The following NLGN1 variants were observed in gnomAD, a reference collection of about 807,000 sequenced individuals.
The protein encoded by NLGN1 is neuroligin-1.
Under a neutral mutation model 65.5 loss-of-function variants are expected in NLGN1, and 12 were observed. The ratio of observed to expected loss-of-function variants is 0.18; its 90% CI spans 0.12 to 0.30. The LOEUF is 0.30. NLGN1 is among the 10% of genes least tolerant of loss of function. The pLI is 1.00. For missense variants in NLGN1, 750 were observed against 1,007.1 expected (o/e 0.74, Z 3.46); for synonymous variants, 350 against 359.5 (o/e 0.97, Z 0.30).
At chr3:173,738,497 A>G (rs1774123685) in intron 3 of NLGN1, among the ~76,000 whole-genome samples, 1 of 152,078 alleles carries the variant, frequency 6.6e-6, no homozygotes, top group Admixed American at 6.6e-5. Flanking sequence ...TTGTTAAACA[A>G]CTATTCTTTC....
intron 4 of NLGN1, among the ~76,000 whole-genome samples, chr3:174,056,717 T>C (rs550514110): frequency 4.3e-4 from 65 of 152,130 alleles, no homozygotes; most frequent in Admixed American, 1.4e-3. Context: ...CATTTACAAA[T>C]ACGTTCAAGC....
chr3:174,092,200 G>A (rs941797827), intron 4 of NLGN1, among the ~76,000 whole-genome samples: 4 of 152,090 alleles, frequency 2.6e-5, no homozygotes, highest in South Asian at 2.1e-4. Context: ...CTTGTAAGAC[G>A]GTACTGAACT....
At chr3:173,447,151 C>T (rs1005265780) in intron 2 of NLGN1, among the ~76,000 whole-genome samples, 25 of 152,174 alleles carry the variant, frequency 1.6e-4, no homozygotes, top group Non-Finnish European at 2.6e-4. Flanking sequence ...TGCCTATGTC[C>T]TGAATGGTAA....
intron 2 of NLGN1, among the ~76,000 whole-genome samples, chr3:173,497,812 A>T (rs1194012533): frequency 6.6e-6 from 1 of 151,946 alleles, no homozygotes; most frequent in Non-Finnish European, 1.5e-5. Context: ...GCCTTAATAT[A>T]ATTATCTTTA....
At chr3:174,238,481 G>A (rs1180862025) in intron 4 of NLGN1, among the ~76,000 whole-genome samples, 2 of 151,990 alleles carry the variant, frequency 1.3e-5, no homozygotes, top group Non-Finnish European at 2.9e-5. Context: ...TCCTGCCTCA[G>A]CCTTCTGAGT....
intron 4 of NLGN1, among the ~76,000 whole-genome samples, chr3:173,960,348 A>C (rs1713239463): frequency 6.6e-6 from 1 of 151,996 alleles, no homozygotes; most frequent in African/African-American, 2.4e-5. Context: ...TAAACCTTTG[A>C]TCGTGCTAAA....
chr3:174,007,772 A>C (rs888174673), intron 4 of NLGN1, among the ~76,000 whole-genome samples: 3 of 152,202 alleles, frequency 2.0e-5, no homozygotes, highest in African/African-American at 7.2e-5. Flanking sequence ...ATGTTTTATC[A>C]CAGTGCATAT....
At chr3:173,903,456 A>G (rs1050271742) in intron 4 of NLGN1, among the ~76,000 whole-genome samples, 9 of 152,156 alleles carry the variant, frequency 5.9e-5, no homozygotes, top group African/African-American at 2.2e-4. Context: ...TAATCTTTGT[A>G]CTTTGATTAT....
chr3:173,741,922 C>T (rs568627315), intron 3 of NLGN1, among the ~76,000 whole-genome samples: 1 of 152,146 alleles, frequency 6.6e-6, no homozygotes, highest in African/African-American at 2.4e-5. Flanking sequence ...TACACTGCGT[C>T]CCCGTAATGT....
intron 4 of NLGN1, among the ~76,000 whole-genome samples, chr3:174,094,746 T>TAAAAAA (rs5854552): frequency 1.0e-4 from 9 of 88,862 alleles, no homozygotes; most frequent in Middle Eastern, 8.8e-3. Context: ...TTGGCTCCGC[T>TAAAAAA]AAAAAAAAAA....
intron 2 of NLGN1, among the ~76,000 whole-genome samples, chr3:173,504,287 G>A (rs1731639564): frequency 6.6e-6 from 1 of 152,054 alleles, no homozygotes; most frequent in Admixed American, 6.6e-5. Flanking sequence ...ACTATATACA[G>A]CATATGTGTA....
rs371654826 is a variant in NLGN1, at chr3:173,715,455, G to A, written c.494-92225G>A. Among the ~76,000 whole-genome samples the A allele has an allele frequency of 2.6e-4, 40 of 152,132 alleles. No homozygotes were observed. In the East Asian group the frequency reaches 6.8e-3, roughly 26 times the overall value. ...ATAAGTGATGGGTGATTTTCTTGGC[G>A]TGATTCTTCTCTCTTATTAAGAGCT... On this transcript the variant is annotated intron_variant, in intron 3 of 6. Transcript: ENST00000457714.
At chr3:174,272,312 A>G (rs534390070) in intron 4 of NLGN1, among the ~76,000 whole-genome samples, 4 of 151,880 alleles carry the variant, frequency 2.6e-5, no homozygotes, top group Admixed American at 2.6e-4. Context: ...CAATTTAAAA[A>G]GAACTTTAAA....
At chr3:173,673,259 C>A (rs955133891) in intron 3 of NLGN1, among the ~76,000 whole-genome samples, 1 of 152,104 alleles carries the variant, frequency 6.6e-6, no homozygotes, top group Non-Finnish European at 1.5e-5. Flanking sequence ...TTAAGTCATT[C>A]CTTTAGCAAT....
At chr3:173,936,761 G>A (rs1579289045) in intron 4 of NLGN1, among the ~76,000 whole-genome samples, 1 of 152,108 alleles carries the variant, frequency 6.6e-6, no homozygotes, top group East Asian at 1.9e-4. Context: ...AGACTTCCTT[G>A]CATCAGTTTT....
chr3:173,962,660 G>A (rs577355236), intron 4 of NLGN1, among the ~76,000 whole-genome samples: 3 of 152,156 alleles, frequency 2.0e-5, no homozygotes, highest in South Asian at 2.1e-4. Flanking sequence ...AAGAATTTAC[G>A]ATGTAATAAG....
intron 4 of NLGN1, among the ~76,000 whole-genome samples, chr3:173,935,574 G>T (rs920463267): frequency 1.3e-5 from 2 of 149,708 alleles, no homozygotes; most frequent in Non-Finnish European, 3.0e-5. Context: ...GGTTCCATTT[G>T]TCATGAGAAT....
At chr3:174,268,993 G>A (rs1380210503) in intron 4 of NLGN1, among the ~76,000 whole-genome samples, 1 of 151,254 alleles carries the variant, frequency 6.6e-6, no homozygotes, top group African/African-American at 2.4e-5. Flanking sequence ...CACATAAAAA[G>A]GAAAATATTT....
chr3:174,019,565 A>G (rs535398260), intron 4 of NLGN1, among the ~76,000 whole-genome samples: 116 of 152,308 alleles, frequency 7.6e-4, no homozygotes, highest in African/African-American at 2.7e-3. Context: ...ACATGATATC[A>G]TATTTTGTTG....
Sources: allele counts gnomAD v4.1 joint callset (sites outside exome capture counted in the v4.1 genomes callset), GRCh38; gene constraint gnomAD v4.1.1; transcripts MANE v1.5; gene names NCBI Gene and HGNC (gene_info 2026-07-23, HGNC 2026-07-21).